Variants in DSCAM observed in about 807,000 individuals in gnomAD.
The protein encoded by DSCAM is cell adhesion molecule DSCAM.
In DSCAM, 47 loss-of-function variants were observed where a neutral mutation model predicts 217.7. That is an observed-to-expected ratio of 0.22 (90% CI 0.17 to 0.28). DSCAM has a LOEUF of 0.28. Among genes scored for constraint, DSCAM ranks in the 10% least tolerant of loss-of-function variants. The pLI is 1.00. For missense variants in DSCAM, 2,080 were observed against 2,618.3 expected, an observed-to-expected ratio of 0.79 and a Z score of 4.49; for synonymous variants, 1,056 against 1,015.3, an observed-to-expected ratio of 1.04 and a Z score of -0.76.
rs545488133 is a variant in DSCAM, at chr21:40,584,683, GCA to G, written c.508+108125_508+108126del. 2.2e-4 allele frequency among the ~76,000 whole-genome samples: 34 copies of G among 152,248 alleles called. No homozygotes were observed. In the South Asian group the frequency reaches 6.4e-3, roughly 29 times the overall value. On this transcript the variant is annotated intron_variant, in intron 3 of 32. Coordinates refer to ENST00000400454, the MANE Select transcript of DSCAM (RefSeq NM_001389.5). ...CTCCCTGGAAGCCCTGAAGAGCTCT[GCA>G]CAGTTACCAGGTCCTGCGGAGGGGG...
In DSCAM at chr21:40,189,118, C is replaced by A; in HGVS notation, c.2477G>T (p.Arg826Leu). 1 of 1,614,152 alleles carries A rather than the reference C, an allele frequency of 6.2e-7. No individual in the cohort carries two copies. Among genetic ancestry groups the A allele is most frequent in the Non-Finnish European group, 8.5e-7 (1 of 1,180,028 alleles). The change falls in exon 12 of 33, where the codon CGA becomes CTA. Residue 826 changes from arginine (R) to leucine (L), a missense_variant. This residue lies in a region of DSCAM where 1,144 missense variants were observed against 1,421.1 expected (regional missense o/e 0.81). Transcript: ENST00000400454. ...ACGGGCCATCTCAGGGTTAATGATTCGGTCCTCCTTCTCCCAGCGGACTAT... is the reference window on the plus strand; with the variant it reads ...ACGGGCCATCTCAGGGTTAATGATTAGGTCCTCCTTCTCCCAGCGGACTAT... ...PIIVRWEKED[R>L]IINPEMARYL...
chr21:40,020,560 G>T (rs1165390628), intron 32 of DSCAM, among the ~76,000 whole-genome samples: 1 of 151,950 alleles, frequency 6.6e-6, no homozygotes, highest in African/African-American at 2.4e-5. Flanking sequence ...GAGAGATATG[G>T]GAGGGAAAAT....
chr21:40,042,746 T>A (rs2088776766), intron 31 of DSCAM, 73 bp from the exon 32 acceptor site: 1 of 1,427,348 alleles, frequency 7.0e-7, no homozygotes, highest in African/African-American at 1.4e-5. Context: ...TGGCCCTTCC[T>A]GGCTTGGGGC....
chr21:40,663,281 ATG>A lies in DSCAM; in HGVS notation c.508+29527_508+29528del, dbSNP rs1282198042. ...AAGTGTGTGTGTGGGGGGGGTGTAT[ATG>A]TGTGTGTGTGTGGTGTGTGTGGACA... On this transcript the variant is annotated intron_variant, in intron 3 of 32. Coordinates refer to ENST00000400454, the MANE Select transcript of DSCAM (RefSeq NM_001389.5). Among the ~76,000 whole-genome samples the A allele has an allele frequency of 2.0e-3, 279 of 142,650 alleles. 1 individual carries two copies. Among genetic ancestry groups the A allele is most frequent in the Non-Finnish European group, 3.3e-3 (214 of 65,090 alleles). The allele number at this position is 142,650 out of a possible 152,430, so 93.6% of individuals were successfully genotyped here.
intron 3 of DSCAM, among the ~76,000 whole-genome samples, chr21:40,416,129 C>A (rs1004591436): frequency 1.3e-5 from 2 of 152,084 alleles, no homozygotes; most frequent in African/African-American, 4.8e-5. Flanking sequence ...TGAGGGGATC[C>A]CCTTTTTCTG....
rs556786226 is a variant in DSCAM, at chr21:40,432,474, TCAAA to T, written c.509-63233_509-63230del. 1.6e-4 allele frequency among the ~76,000 whole-genome samples: 25 copies of T among 152,238 alleles called. No homozygotes were observed. In the South Asian group the frequency reaches 3.1e-3, roughly 19 times the overall value. ...CCTTGGGGTTACCTTTAGATGCCAC[TCAAA>T]CACTCTAGGATATCCTCCCCACTTC... is the stretch of plus-strand genomic sequence containing the variant. On this transcript the variant is annotated intron_variant, in intron 3 of 32. Transcript: ENST00000400454.
intron 1 of DSCAM, among the ~76,000 whole-genome samples, chr21:40,774,526 T>C (rs2091472086): frequency 6.6e-6 from 1 of 152,260 alleles, no homozygotes; most frequent in Non-Finnish European, 1.5e-5. Context: ...CGTTTCTAAA[T>C]GTGTCTCATA....
At chr21:40,084,061 T>C in intron 23 of DSCAM, 55 bp from the exon 24 acceptor site, 1 of 1,419,942 alleles carries the variant, frequency 7.0e-7, no homozygotes, top group Admixed American at 2.0e-5. Flanking sequence ...ATCTTTAACT[T>C]TCCTGAACAG....
Position 40,462,184 on chromosome 21 carries a change from G to A in DSCAM, c.509-92939C>T, listed in dbSNP as rs560941030. Among the ~76,000 whole-genome samples, 3 of 152,236 alleles carry A rather than the reference G, an allele frequency of 2.0e-5. No individual in the cohort carries two copies. The South Asian group carries it at 6.2e-4, about 32-fold the overall frequency. On this transcript the variant is annotated intron_variant, in intron 3 of 32. Coordinates refer to ENST00000400454, the MANE Select transcript of DSCAM (RefSeq NM_001389.5). ...GTTCAGATAAGAAAATTTCATGCAG[G>A]GAATATAGGAGATCCCAGCCATACC...
At position 40,296,307 on chromosome 21, in the gene DSCAM, A is replaced by T. The variant is rs2123447660; in HGVS notation, c.2063-133T>A. The T allele has an allele frequency of 7.2e-6, 8 of 1,117,042 alleles. No homozygotes were observed. The East Asian group carries it at 2.1e-4, about 30-fold the overall frequency. The allele number at this position is 1,117,042 out of a possible 1,614,324, so 69.2% of individuals were successfully genotyped here. On this transcript the variant is annotated intron_variant, in intron 9 of 32. Coordinates refer to ENST00000400454, the MANE Select transcript of DSCAM (RefSeq NM_001389.5). ...GTTTCATACACATGGGACAATAAAAACACTATTGGCAGTTTGGGACAAATT... is the reference window on the plus strand; with the variant it reads ...GTTTCATACACATGGGACAATAAAATCACTATTGGCAGTTTGGGACAAATT...
At chr21:40,257,610 C>A (rs149970485) in intron 11 of DSCAM, among the ~76,000 whole-genome samples, 36 of 152,078 alleles carry the variant, frequency 2.4e-4, no homozygotes, top group African/African-American at 8.0e-4. Flanking sequence ...ACTGAATGAG[C>A]AGAATGGATT....
intron 4 of DSCAM, among the ~76,000 whole-genome samples, chr21:40,360,439 T>C (rs2074749616): frequency 6.6e-6 from 1 of 152,004 alleles, no homozygotes; most frequent in Non-Finnish European, 1.5e-5. Context: ...TGGCCCTTGA[T>C]AGGTAGCTTT....
chr21:40,377,974 A>C (rs542353332), intron 3 of DSCAM, among the ~76,000 whole-genome samples: 1 of 152,328 alleles, frequency 6.6e-6, no homozygotes, highest in East Asian at 1.9e-4. Flanking sequence ...AGAGAAAAGC[A>C]CTTTAGAGTA....
At chr21:40,381,141 G>A (rs552382887) in intron 3 of DSCAM, among the ~76,000 whole-genome samples, 5 of 152,022 alleles carry the variant, frequency 3.3e-5, no homozygotes, top group Admixed American at 6.6e-5. Context: ...AGGCAAAGGC[G>A]ATGAGGACCA....
intron 3 of DSCAM, among the ~76,000 whole-genome samples, chr21:40,484,183 G>A (rs959137386): frequency 3.9e-5 from 6 of 152,162 alleles, no homozygotes; most frequent in African/African-American, 1.4e-4. Context: ...CTGTCCAGAG[G>A]CTTCCCGAAT....
chr21:40,113,532 A>G (rs1166939051), intron 20 of DSCAM, among the ~76,000 whole-genome samples: 1 of 152,220 alleles, frequency 6.6e-6, no homozygotes, highest in Non-Finnish European at 1.5e-5. Flanking sequence ...CACCACTCCT[A>G]TTCAACATAG....
chr21:40,752,808 AAGG>A (rs756307812), intron 1 of DSCAM, among the ~76,000 whole-genome samples: 6 of 152,186 alleles, frequency 3.9e-5, no homozygotes, highest in East Asian at 1.9e-4. Context: ...AAAGGAAGGA[AAGG>A]AGGAGAGAAG....
intron 11 of DSCAM, among the ~76,000 whole-genome samples, chr21:40,195,077 CTTAT>C (rs1426290822): frequency 6.6e-6 from 1 of 152,052 alleles, no homozygotes; most frequent in Admixed American, 6.5e-5. Context: ...AAAGTAAACC[CTTAT>C]TTATTAATTA....
At chr21:40,282,830 G>A (rs2073780924) in intron 10 of DSCAM, among the ~76,000 whole-genome samples, 1 of 152,042 alleles carries the variant, frequency 6.6e-6, no homozygotes, top group African/African-American at 2.4e-5. Flanking sequence ...TAACTACAAT[G>A]CTAAGTCGTC....
Sources: allele counts gnomAD v4.1 joint callset (sites outside exome capture counted in the v4.1 genomes callset), GRCh38; gene constraint gnomAD v4.1.1; regional missense constraint gnomAD v4.1.1; transcripts MANE v1.5; gene names NCBI Gene and HGNC (gene_info 2026-07-23, HGNC 2026-07-21).